The following TBC1D19 variants were observed in gnomAD, a reference collection of about 807,000 sequenced individuals.
TBC1D19 encodes TBC1 domain family member 19.
Under a neutral mutation model 89.0 loss-of-function variants are expected in TBC1D19, and 60 were observed. That is an observed-to-expected ratio of 0.67 (90% CI 0.55 to 0.84). The LOEUF (loss-of-function observed/expected upper bound fraction) is 0.84, where lower values mean the gene tolerates loss of function less well. Ranked by LOEUF, TBC1D19 falls within the 40% of genes least tolerant of loss-of-function variation. The pLI is 0.00. For missense variants in TBC1D19, 500 were observed against 610.8 expected (o/e 0.82, Z 1.91); for synonymous variants, 189 against 199.7 (o/e 0.95, Z 0.45).
chr4:26,854,535 C>T, the TBC1D19 span, among the ~76,000 whole-genome samples: 1 of 152,150 alleles, frequency 6.6e-6, no homozygotes, highest in African/African-American at 2.4e-5. Flanking sequence ...TATCCAGGAA[C>T]TTTACACCAT....
intron 11 of TBC1D19, among the ~76,000 whole-genome samples, chr4:26,679,626 C>T (rs1713155317): frequency 6.6e-6 from 1 of 152,188 alleles, no homozygotes; most frequent in South Asian, 2.1e-4. Flanking sequence ...CACCATCCTC[C>T]AGACCCCAGA....
chr4:26,729,230 G>T (rs530631400), intron 15 of TBC1D19, among the ~76,000 whole-genome samples: 1 of 152,300 alleles, frequency 6.6e-6, no homozygotes, highest in African/African-American at 2.4e-5. Flanking sequence ...AGGTTACCCA[G>T]CTGGTTTGTG....
the TBC1D19 span, chr4:26,857,731 C>G: frequency 6.6e-6 from 1 of 152,256 alleles, no homozygotes; most frequent in African/African-American, 2.4e-5. Flanking sequence ...GCCCGCCAGT[C>G]GGGAACCGGT....
the TBC1D19 span, among the ~76,000 whole-genome samples, chr4:26,811,640 G>C: frequency 2.0e-5 from 3 of 152,344 alleles, no homozygotes; most frequent in African/African-American, 7.2e-5. Context: ...ATAAAGAATG[G>C]CTACTCCATA....
intron 8 of TBC1D19, among the ~76,000 whole-genome samples, chr4:26,665,775 A>ATG (rs200129111): frequency 2.6e-5 from 4 of 151,668 alleles, no homozygotes; most frequent in South Asian, 4.2e-4. Context: ...GAGTGTTTGT[A>ATG]TGTGTGTGTG....
chr4:26,588,199 G>C (rs1490677497), intron 1 of TBC1D19, among the ~76,000 whole-genome samples: 1 of 151,684 alleles, frequency 6.6e-6, no homozygotes, highest in Non-Finnish European at 1.5e-5. Flanking sequence ...ATGATTTTTT[G>C]TATTTTTAGT....
chr4:26,797,151 G>T, the TBC1D19 span, among the ~76,000 whole-genome samples: 14 of 152,112 alleles, frequency 9.2e-5, no homozygotes, highest in Non-Finnish European at 2.1e-4. Context: ...TCCTCTGAAA[G>T]ATTCCTACAC....
the TBC1D19 span, among the ~76,000 whole-genome samples, chr4:26,788,713 AC>A: frequency 6.6e-6 from 1 of 152,008 alleles, no homozygotes; most frequent in Non-Finnish European, 1.5e-5. Flanking sequence ...CACTTTGAAA[AC>A]CTTTGTGCCA....
At chr4:26,849,723 A>G in the TBC1D19 span, among the ~76,000 whole-genome samples, 2 of 152,210 alleles carry the variant, frequency 1.3e-5, no homozygotes, top group Non-Finnish European at 2.9e-5. Context: ...ATTTCAAATT[A>G]TCACACAGAT....
chr4:26,782,287 C>T, the TBC1D19 span, among the ~76,000 whole-genome samples: 1 of 152,194 alleles, frequency 6.6e-6, no homozygotes, highest in African/African-American at 2.4e-5. Context: ...AGTAGGATTC[C>T]AAGGAAGTCC....
chr4:26,642,710 G>A (rs1366067883), intron 7 of TBC1D19, among the ~76,000 whole-genome samples: 3 of 152,092 alleles, frequency 2.0e-5, no homozygotes, highest in African/African-American at 7.2e-5. Context: ...ACAAACATAG[G>A]CTCAAAATAA....
chr4:26,800,887 A>G, the TBC1D19 span, among the ~76,000 whole-genome samples: 13 of 152,114 alleles, frequency 8.5e-5, no homozygotes, highest in Admixed American at 6.6e-4. Flanking sequence ...GTTTGAGTTC[A>G]TTGTAGATTC....
intron 7 of TBC1D19, among the ~76,000 whole-genome samples, chr4:26,651,533 G>C (rs1744382781): frequency 6.6e-6 from 1 of 152,150 alleles, no homozygotes. Context: ...TGGTGTATAA[G>C]AATGTTTGTG....
intron 7 of TBC1D19, among the ~76,000 whole-genome samples, chr4:26,659,186 A>G (rs1214684132): frequency 1.3e-5 from 2 of 152,122 alleles, no homozygotes; most frequent in African/African-American, 4.8e-5. Context: ...AATATTGTCA[A>G]TTTGTTTTTA....
the TBC1D19 span, among the ~76,000 whole-genome samples, chr4:26,831,069 A>G: frequency 5.3e-5 from 8 of 152,240 alleles, no homozygotes; most frequent in African/African-American, 1.9e-4. Flanking sequence ...ACATACACGC[A>G]GACACAAATT....
chr4:26,625,394 C>T (rs1158192264), intron 4 of TBC1D19, among the ~76,000 whole-genome samples: 4 of 152,122 alleles, frequency 2.6e-5, no homozygotes, highest in South Asian at 2.1e-4. Flanking sequence ...AAGAGTTTTG[C>T]GAAGTTAGCA....
At chr4:26,579,330 T>C (rs1739027126), upstream of TBC1D19, among the ~76,000 whole-genome samples, 1 of 152,204 alleles carries the variant, frequency 6.6e-6, no homozygotes, top group South Asian at 2.1e-4. Flanking sequence ...CCAGATCATC[T>C]CTTGCCAGAC....
chr4:26,666,606 T>C (rs1232732257), intron 9 of TBC1D19, among the ~76,000 whole-genome samples: 3 of 152,044 alleles, frequency 2.0e-5, no homozygotes, highest in African/African-American at 7.2e-5. Context: ...TGTCTTTTTA[T>C]TTGAAAGTCT....
At chr4:26,623,415 T>C (rs1742199523) in intron 4 of TBC1D19, among the ~76,000 whole-genome samples, 1 of 152,216 alleles carries the variant, frequency 6.6e-6, no homozygotes, top group South Asian at 2.1e-4. Flanking sequence ...GTTCTAAAAC[T>C]TTTTCATGCT....
Sources: gnomAD v4.1 joint callset for allele counts (sites outside exome capture counted in the v4.1 genomes callset) on GRCh38, gnomAD v4.1.1 for gene constraint, MANE v1.5 for transcripts, NCBI Gene and HGNC (gene_info 2026-07-23, HGNC 2026-07-21) for gene names.